The following AGBL4 variants were observed in gnomAD, a reference collection of about 807,000 sequenced individuals.
AGBL4 encodes cytosolic carboxypeptidase 6.
AGBL4 carries 58 observed loss-of-function variants against 66.4 expected under a neutral mutation model. The ratio of observed to expected loss-of-function variants is 0.87; its 90% CI spans 0.71 to 1.09. The LOEUF (loss-of-function observed/expected upper bound fraction) is 1.09, where lower values mean the gene tolerates loss of function less well. Ranked by LOEUF, AGBL4 falls within the 50% of genes least tolerant of loss-of-function variation. The pLI, the probability that AGBL4 is intolerant of heterozygous loss-of-function variation, is 0.00. For synonymous variants in AGBL4, 234 were observed against 222.9 expected (o/e 1.05, Z -0.44); for missense variants, 579 against 631.0 (o/e 0.92, Z 0.88).
At chr1:49,939,729 A>T (rs1374150080) in intron 1 of AGBL4, among the ~76,000 whole-genome samples, 1 of 152,224 alleles carries the variant, frequency 6.6e-6, no homozygotes, top group Admixed American at 6.5e-5. Flanking sequence ...TAAACGTTAG[A>T]CCTAAAACCA....
In AGBL4 at chr1:49,768,770, AC is replaced by A. The variant is rs369402618; in HGVS notation, c.158-71334del. Among the ~76,000 whole-genome samples the A allele has an allele frequency of 2.1e-3, 315 of 152,270 alleles. 4 individuals are homozygous for A. The highest frequency in any genetic ancestry group is 7.1e-3 in the African/African-American group (293 of 41,544). ...GCTAATGTAATTCTATGCCTAGAAA[AC>A]CCTAGATTCCACCAAAAGGCTTCTA... On this transcript the variant is annotated intron_variant, in intron 2 of 13. Transcript: ENST00000371839.
chr1:48,551,881 C>T (rs767971555), intron 11 of AGBL4, among the ~76,000 whole-genome samples: 2 of 151,888 alleles, frequency 1.3e-5, no homozygotes, highest in African/African-American at 2.4e-5. Context: ...TGCCCATCAC[C>T]CTAATGGGGT....
intron 3 of AGBL4, among the ~76,000 whole-genome samples, chr1:49,262,484 A>T (rs1016125773): frequency 2.5e-4 from 38 of 152,236 alleles, no homozygotes; most frequent in Non-Finnish European, 4.0e-4. Context: ...CCCCATCAAA[A>T]AGTGGGCAAA....
chr1:49,066,247 C>A (rs772196121), intron 4 of AGBL4, among the ~76,000 whole-genome samples: 2 of 152,126 alleles, frequency 1.3e-5, no homozygotes, highest in Non-Finnish European at 2.9e-5. Context: ...TAGAATATGA[C>A]ACTTCTTAAA....
At chr1:48,922,659 G>T (rs969067868) in intron 5 of AGBL4, among the ~76,000 whole-genome samples, 5 of 152,172 alleles carry the variant, frequency 3.3e-5, no homozygotes, top group African/African-American at 1.2e-4. Context: ...TAGGAGACAG[G>T]TGATACTTGA....
chr1:48,756,835 T>C (rs971031904), intron 6 of AGBL4, among the ~76,000 whole-genome samples: 2 of 152,178 alleles, frequency 1.3e-5, no homozygotes, highest in Non-Finnish European at 1.5e-5. Context: ...CTATGCATAC[T>C]TGGGGCTCCA....
intron 3 of AGBL4, among the ~76,000 whole-genome samples, chr1:49,642,252 A>C (rs955437998): frequency 1.3e-5 from 2 of 152,022 alleles, no homozygotes; most frequent in African/African-American, 4.8e-5. Context: ...ACAAATTTTT[A>C]AAATATTTAT....
intron 4 of AGBL4, among the ~76,000 whole-genome samples, chr1:49,200,113 C>G (rs1476569426): frequency 2.0e-5 from 3 of 152,116 alleles, no homozygotes; most frequent in Non-Finnish European, 2.9e-5. Context: ...GAAAACAAGG[C>G]AGGCAGGGTG....
intron 4 of AGBL4, among the ~76,000 whole-genome samples, chr1:49,154,880 A>G (rs772877769): frequency 6.6e-6 from 1 of 152,170 alleles, no homozygotes; most frequent in Non-Finnish European, 1.5e-5. Flanking sequence ...TGCCCACACA[A>G]TGAAGAGTGC....
At position 49,944,136 on chromosome 1, in the gene AGBL4, C is replaced by T. The variant is rs186787254; in HGVS notation, c.34+79627G>A. ...ACCCACCCTGGTAGCTGAAGACAAA[C>T]GGCATACACCCTTAAGAGATATAGG... On this transcript the variant is annotated intron_variant, in intron 1 of 13. Coordinates refer to ENST00000371839, the MANE Select transcript of AGBL4 (RefSeq NM_032785.4). Among the ~76,000 whole-genome samples the T allele has an allele frequency of 2.7e-3, 404 of 152,112 alleles. 1 individual carries two copies. Among genetic ancestry groups the T allele is most frequent in the South Asian group, 7.7e-3 (37 of 4,816 alleles).
intron 5 of AGBL4, among the ~76,000 whole-genome samples, chr1:48,942,574 A>G (rs1313522569): frequency 2.6e-5 from 4 of 152,210 alleles, no homozygotes; most frequent in African/African-American, 9.7e-5. Context: ...TCTACTCCCC[A>G]TATTCCTAAG....
intron 1 of AGBL4, among the ~76,000 whole-genome samples, chr1:49,897,790 G>A (rs1649371819): frequency 6.6e-6 from 1 of 151,784 alleles, no homozygotes; most frequent in Non-Finnish European, 1.5e-5. Flanking sequence ...AAATGGAGCA[G>A]AATAGACAAC....
At chr1:49,070,582 C>A in intron 4 of AGBL4, among the ~76,000 whole-genome samples, 1 of 152,010 alleles carries the variant, frequency 6.6e-6, no homozygotes, top group East Asian at 1.9e-4. Context: ...GGGATGAAAC[C>A]GACTTGATTG....
chr1:49,314,588 C>A (rs1032829404), intron 3 of AGBL4, among the ~76,000 whole-genome samples: 49 of 152,196 alleles, frequency 3.2e-4, no homozygotes, highest in African/African-American at 1.2e-3. Context: ...GCATAGTATT[C>A]CATGGTGTAT....
At chr1:48,897,126 C>T (rs1042478265) in intron 5 of AGBL4, among the ~76,000 whole-genome samples, 1 of 152,208 alleles carries the variant, frequency 6.6e-6, no homozygotes, top group East Asian at 1.9e-4. Flanking sequence ...CTTTTTCCCC[C>T]TTCATCCCCT....
chr1:49,443,648 G>A (rs1405014046), intron 3 of AGBL4, among the ~76,000 whole-genome samples: 6 of 151,686 alleles, frequency 4.0e-5, no homozygotes, highest in East Asian at 1.9e-4. Context: ...CTAATACCAC[G>A]CTCTTTTCAA....
intron 5 of AGBL4, among the ~76,000 whole-genome samples, chr1:48,886,737 AG>A (rs1404528363): frequency 6.6e-6 from 1 of 152,024 alleles, no homozygotes; most frequent in Non-Finnish European, 1.5e-5. Context: ...TATTTTTAGT[AG>A]AGAGGAGTTT....
intron 6 of AGBL4, among the ~76,000 whole-genome samples, chr1:48,808,431 T>C (rs930314717): frequency 2.6e-5 from 4 of 152,146 alleles, no homozygotes; most frequent in Admixed American, 6.5e-5. Context: ...TCATGTAGTA[T>C]ATAAAGAAGC....
At chr1:48,687,371 G>A (rs1213249434) in intron 6 of AGBL4, among the ~76,000 whole-genome samples, 1 of 152,182 alleles carries the variant, frequency 6.6e-6, no homozygotes, top group Non-Finnish European at 1.5e-5. Flanking sequence ...AGAGGCGGTG[G>A]AGAAAAGGCC....
Sources: allele counts gnomAD v4.1 joint callset (sites outside exome capture counted in the v4.1 genomes callset), GRCh38; gene constraint gnomAD v4.1.1; transcripts MANE v1.5; gene names NCBI Gene and HGNC (gene_info 2026-07-23, HGNC 2026-07-21).